PCDH9: variants seen among roughly 807,000 people sequenced by gnomAD.
PCDH9 encodes the protein protocadherin 9, also known as protocadherin-9.
PCDH9 carries 24 observed loss-of-function variants against 70.6 expected under a neutral mutation model. The ratio of observed to expected loss-of-function variants is 0.34; its 90% CI spans 0.25 to 0.48. The LOEUF is 0.48. PCDH9 is among the 20% of genes least tolerant of loss of function. The pLI, the probability that PCDH9 is intolerant of heterozygous loss-of-function variation, is 0.99. For missense variants in PCDH9, 1,281 were observed against 1,503.6 expected, an observed-to-expected ratio of 0.85 and a Z score of 2.45; for synonymous variants, 562 against 558.5, an observed-to-expected ratio of 1.01 and a Z score of -0.09.
At chr13:66,656,704 C>T (rs1458455478) in intron 3 of PCDH9, among the ~76,000 whole-genome samples, 23 of 152,160 alleles carry the variant, frequency 1.5e-4, no homozygotes, top group Admixed American at 1.5e-3. Flanking sequence ...AGAGTTAATA[C>T]TCCTGTGAAA....
intron 2 of PCDH9, among the ~76,000 whole-genome samples, chr13:66,952,819 TATAAACAAGGAAGGA>T (rs1265513345): frequency 6.6e-6 from 1 of 152,052 alleles, no homozygotes; most frequent in Non-Finnish European, 1.5e-5. Flanking sequence ...AGGTTCTTAG[TATAAACAAGGAAGGA>T]ATAAACATAC....
chr13:67,199,655 C>A (rs1325240196), intron 2 of PCDH9, among the ~76,000 whole-genome samples: 1 of 151,876 alleles, frequency 6.6e-6, no homozygotes, highest in Non-Finnish European at 1.5e-5. Flanking sequence ...AAATAGGAAA[C>A]AATTTCAGGG....
chr13:66,977,699 T>C (rs2083649706), intron 2 of PCDH9, among the ~76,000 whole-genome samples: 1 of 152,066 alleles, frequency 6.6e-6, no homozygotes, highest in African/African-American at 2.4e-5. Flanking sequence ...CCAGCTTGAA[T>C]GGTAACTGAG....
chr13:66,777,340 G>T (rs1278822036), intron 3 of PCDH9, among the ~76,000 whole-genome samples: 1 of 150,004 alleles, frequency 6.7e-6, no homozygotes, highest in Non-Finnish European at 1.5e-5. Flanking sequence ...AGAGTGAACA[G>T]GCAACCTACA....
intron 2 of PCDH9, among the ~76,000 whole-genome samples, chr13:67,164,442 G>T (rs985605264): frequency 6.6e-6 from 1 of 151,888 alleles, no homozygotes; most frequent in Non-Finnish European, 1.5e-5. Context: ...TGGTGTGGTG[G>T]CAGGCACCTA....
chr13:66,314,710 G>A (rs1955619812), intron 4 of PCDH9, among the ~76,000 whole-genome samples: 1 of 152,096 alleles, frequency 6.6e-6, no homozygotes, highest in Non-Finnish European at 1.5e-5. Context: ...TCTTGTATAT[G>A]GCACACTGAT....
intron 4 of PCDH9, among the ~76,000 whole-genome samples, chr13:66,540,227 G>A (rs536593373): frequency 6.6e-6 from 1 of 151,906 alleles, no homozygotes; most frequent in African/African-American, 2.4e-5. Flanking sequence ...ATAAAACTGA[G>A]CAATAATATA....
intron 2 of PCDH9, among the ~76,000 whole-genome samples, chr13:67,109,993 A>C (rs1433180008): frequency 6.6e-6 from 1 of 152,122 alleles, no homozygotes; most frequent in Non-Finnish European, 1.5e-5. Flanking sequence ...AATTTCTGTA[A>C]TATTTTAGAG....
At chr13:67,208,396 T>C (rs1388921001) in intron 2 of PCDH9, 3 of 152,192 alleles carry the variant, frequency 2.0e-5, no homozygotes, top group Non-Finnish European at 4.4e-5. Context: ...TTAGAAAGCA[T>C]ATCATGTTCA....
intron 4 of PCDH9, among the ~76,000 whole-genome samples, chr13:66,409,750 T>A (rs548333783): frequency 1.3e-5 from 2 of 152,296 alleles, no homozygotes; most frequent in East Asian, 3.9e-4. Flanking sequence ...AATCATGAAT[T>A]TGAGATGGGA....
intron 4 of PCDH9, among the ~76,000 whole-genome samples, chr13:66,552,030 G>A (rs916736427): frequency 2.6e-5 from 4 of 152,054 alleles, no homozygotes; most frequent in African/African-American, 7.2e-5. Context: ...TTGTCTTATA[G>A]TTGTCAATCC....
chr13:66,985,517 G>GT (rs2083873978), intron 2 of PCDH9: 1 of 151,880 alleles, frequency 6.6e-6, no homozygotes. Context: ...ATTTCAGATG[G>GT]TAACAAGCTT....
chr13:66,318,002 C>A (rs974234622), intron 4 of PCDH9, among the ~76,000 whole-genome samples: 2 of 152,020 alleles, frequency 1.3e-5, no homozygotes, highest in Non-Finnish European at 2.9e-5. Context: ...AAAGAATCTC[C>A]TAAGGGAACT....
chr13:66,831,499 G>A (rs1017901064), intron 3 of PCDH9, among the ~76,000 whole-genome samples: 2 of 152,120 alleles, frequency 1.3e-5, no homozygotes, highest in Non-Finnish European at 2.9e-5. Context: ...GCTGGTTTGA[G>A]GAAGTGAGTC....
intron 3 of PCDH9, among the ~76,000 whole-genome samples, chr13:66,889,366 C>T (rs1295827647): frequency 3.9e-5 from 6 of 152,134 alleles, no homozygotes; most frequent in Non-Finnish European, 7.4e-5. Flanking sequence ...TGGTTTAGCA[C>T]GAAACTTCTA....
At chr13:67,049,019 A>G (rs1237976250) in intron 2 of PCDH9, among the ~76,000 whole-genome samples, 2 of 152,230 alleles carry the variant, frequency 1.3e-5, no homozygotes, top group Non-Finnish European at 1.5e-5. Flanking sequence ...TGAAAGGCAA[A>G]TTACTTTGTA....
chr13:66,893,057 C>T (rs1371347628), intron 3 of PCDH9, among the ~76,000 whole-genome samples: 1 of 152,024 alleles, frequency 6.6e-6, no homozygotes, highest in Non-Finnish European at 1.5e-5. Flanking sequence ...AATATGTGTT[C>T]TTTGAGTATC....
chr13:66,311,204 C>T (rs1399077642), intron 4 of PCDH9, among the ~76,000 whole-genome samples: 1 of 152,014 alleles, frequency 6.6e-6, no homozygotes, highest in African/African-American at 2.4e-5. Context: ...TTTGCCTTAA[C>T]CAATCTTTCT....
chr13:66,625,787 A>G (rs2077490339), intron 4 of PCDH9, among the ~76,000 whole-genome samples: 1 of 151,534 alleles, frequency 6.6e-6, no homozygotes, highest in Non-Finnish European at 1.5e-5. Context: ...CAGCCTCCTG[A>G]GTAGCTGGGA....
Sources: allele counts gnomAD v4.1 joint callset (sites outside exome capture counted in the v4.1 genomes callset), GRCh38; gene constraint gnomAD v4.1.1; transcripts MANE v1.5; gene names NCBI Gene and HGNC (gene_info 2026-07-23, HGNC 2026-07-21).